Variants in PRKN observed in about 807,000 individuals in gnomAD.
The protein encoded by PRKN is parkin RBR E3 ubiquitin protein ligase, also known as E3 ubiquitin-protein ligase parkin.
PRKN carries 56 observed loss-of-function variants against 59.5 expected under a neutral mutation model. That is an observed-to-expected ratio of 0.94 (90% confidence interval 0.76 to 1.18). The LOEUF (loss-of-function observed/expected upper bound fraction) is 1.18. Ranked by LOEUF, PRKN falls within the 50% of genes most tolerant of loss-of-function variation. PRKN has a pLI of 0.00. For missense variants in PRKN, 657 were observed against 596.4 expected, an observed-to-expected ratio of 1.10 and a Z score of -1.06; for synonymous variants, 250 against 222.1, an observed-to-expected ratio of 1.13 and a Z score of -1.12.
intron 1 of PRKN, among the ~76,000 whole-genome samples, chr6:162,556,362 T>TGTGTGTGC (rs1554243403): frequency 2.0e-4 from 17 of 86,330 alleles, no homozygotes; most frequent in Middle Eastern, 5.6e-3. Flanking sequence ...TGTGTGTGTG[T>TGTGTGTGC]GTGTGTGTGT....
chr6:161,411,331 G>T (rs562271943), intron 9 of PRKN, among the ~76,000 whole-genome samples: 1 of 152,254 alleles, frequency 6.6e-6, no homozygotes, highest in South Asian at 2.1e-4. Flanking sequence ...TTATAAAGGG[G>T]AGGTCCCCTG....
At chr6:162,050,534 T>C (rs1777590257) in intron 5 of PRKN, among the ~76,000 whole-genome samples, 1 of 152,088 alleles carries the variant, frequency 6.6e-6, no homozygotes. Context: ...TGAATGGTTA[T>C]ACTAGACAAT....
rs115842600 is a variant in PRKN at position 161,356,630 on chromosome 6, C to A, written c.1285+3458G>T. On this transcript the variant is annotated intron_variant, in intron 11 of 11. Coordinates refer to ENST00000366898, the MANE Select transcript of PRKN (RefSeq NM_004562.3). The surrounding 1 kb of genome is among the most constrained non-coding windows in gnomAD (Gnocchi z 7.8). Reference sequence around the variant, plus strand: ...AGAGCACGGGGAAGGCCGTGGTGACCGGGGATTGAATGCAGGGTGAGGAAG... The same window carrying A: ...AGAGCACGGGGAAGGCCGTGGTGACAGGGGATTGAATGCAGGGTGAGGAAG... 6.6e-6 allele frequency among the ~76,000 whole-genome samples: 1 copy of A among 151,986 alleles called. No homozygotes were observed. The highest frequency in any genetic ancestry group is 6.6e-5 in the Admixed American group (1 of 15,260).
At chr6:161,961,256 T>A (rs572420197) in intron 6 of PRKN, among the ~76,000 whole-genome samples, 8 of 152,246 alleles carry the variant, frequency 5.3e-5, no homozygotes, top group African/African-American at 1.9e-4. Context: ...TAGCAACAGG[T>A]GTTCAAGTTT....
chr6:161,414,214 G>T lies in PRKN; in HGVS notation c.1084-27337C>A, dbSNP rs1379465143. 1.3e-5 allele frequency among the ~76,000 whole-genome samples: 2 copies of T among 152,294 alleles called. No homozygotes were observed. Among genetic ancestry groups the T allele is most frequent in the South Asian group, 2.1e-4 (1 of 4,822 alleles). On this transcript the variant is annotated intron_variant, in intron 9 of 11. Coordinates refer to ENST00000366898, the MANE Select transcript of PRKN (RefSeq NM_004562.3). This position sits in a 1 kb window ranked among gnomAD's most constrained non-coding sequence, Gnocchi z 5.3. ...CTCCATGCACAATTTTGCAGAAGAG[G>T]CTCTTTCCAGCATTTTCTCCCCAGA...
At chr6:162,692,190 AAT>A (rs67623983) in intron 1 of PRKN, among the ~76,000 whole-genome samples, 9,649 of 151,594 alleles carry the variant, frequency 0.064, 458 homozygotes, top group East Asian at 0.29. Flanking sequence ...AAAAAAAAAA[AAT>A]CATGGTTGTC....
At chr6:161,439,763 G>A (rs1583069934) in intron 9 of PRKN, among the ~76,000 whole-genome samples, 2 of 152,060 alleles carry the variant, frequency 1.3e-5, no homozygotes, top group African/African-American at 2.4e-5. Flanking sequence ...TAAGAAAACA[G>A]ATGATAAGAG....
At chr6:162,722,774 A>G (rs1351387558) in intron 1 of PRKN, among the ~76,000 whole-genome samples, 1 of 152,310 alleles carries the variant, frequency 6.6e-6, no homozygotes, top group East Asian at 1.9e-4. Context: ...TTTTCAGGCA[A>G]TGAAACTATG....
chr6:162,412,098 A>G (rs1436729817), intron 2 of PRKN, among the ~76,000 whole-genome samples: 1 of 152,166 alleles, frequency 6.6e-6, no homozygotes, highest in Non-Finnish European at 1.5e-5. Context: ...AATTTACTTA[A>G]AAACAGAATA....
intron 1 of PRKN, among the ~76,000 whole-genome samples, chr6:162,690,077 A>ATTAGAATGTATTCCATTAT (rs1777718382): frequency 6.8e-6 from 1 of 146,326 alleles, no homozygotes; most frequent in Non-Finnish European, 1.5e-5. Context: ...ATATATTGTT[A>ATTAGAATGTATTCCATTAT]TTAGAATGTA....
intron 1 of PRKN, among the ~76,000 whole-genome samples, chr6:162,589,642 T>C (rs937108446): frequency 1.3e-5 from 2 of 152,210 alleles, no homozygotes; most frequent in Non-Finnish European, 2.9e-5. Flanking sequence ...TAATAATGAA[T>C]GTGGCTCTAA....
intron 1 of PRKN, among the ~76,000 whole-genome samples, chr6:162,539,536 T>G (rs922212747): frequency 2.0e-5 from 3 of 152,200 alleles, no homozygotes; most frequent in Non-Finnish European, 4.4e-5. Context: ...ATTTACATCA[T>G]CGACTATCTG....
Position 161,836,403 on chromosome 6 carries a change from T to C in PRKN, c.735-50495A>G, listed in dbSNP as rs1389525189. ...GGGAAATTGCCGTACATGATTCAGT[T>C]AAAATTCCAGCCTGAGTGGCCTCGA... is the stretch of plus-strand genomic sequence containing the variant. On this transcript the variant is annotated intron_variant, in intron 6 of 11. Transcript: ENST00000366898. Among the ~76,000 whole-genome samples the C allele has an allele frequency of 2.0e-5, 3 of 152,164 alleles. No individual in the cohort carries two copies. The East Asian group carries it at 5.8e-4, about 29-fold the overall frequency.
chr6:162,681,376 T>C (rs1242854878), intron 1 of PRKN, among the ~76,000 whole-genome samples: 1 of 152,114 alleles, frequency 6.6e-6, no homozygotes, highest in Non-Finnish European at 1.5e-5. Context: ...GGCAGGAGAA[T>C]AGAGTCTGGA....
At chr6:162,571,316 C>T (rs79555231) in intron 1 of PRKN, 32,333 of 131,474 alleles carry the variant, frequency 0.25, 4,386 homozygotes, top group African/African-American at 0.4. Context: ...CAGAGAAAAA[C>T]TCATTTCAAA....
Position 161,548,680 on chromosome 6 carries a change from T to A in PRKN, c.1083+174A>T. ...GTTTTCACCAAAATAAATACATAAA[T>A]TTTCAAATCTGGAGTCCTATAAAGG... On this transcript the variant is annotated intron_variant, in intron 9 of 11. Transcript: ENST00000366898. The surrounding 1 kb of genome is among the most constrained non-coding windows in gnomAD (Gnocchi z 4.2). 1 of 646,098 alleles carries A rather than the reference T, an allele frequency of 1.5e-6. No individual in the cohort carries two copies. The highest frequency in any genetic ancestry group is 2.7e-6 in the Non-Finnish European group (1 of 371,124). 40.0% of individuals were successfully genotyped at this position (646,098 alleles called of 1,614,324 possible). A position where few individuals can be genotyped will look rare whatever the true frequency, so the allele number is the denominator to read the frequency against.
chr6:161,749,592 T>TC (rs1364555141), intron 7 of PRKN, among the ~76,000 whole-genome samples: 1 of 152,110 alleles, frequency 6.6e-6, no homozygotes, highest in Non-Finnish European at 1.5e-5. Context: ...CACCTGTACC[T>TC]CTTATCATTA....
intron 2 of PRKN, among the ~76,000 whole-genome samples, chr6:162,417,733 G>A (rs1268180661): frequency 6.6e-6 from 1 of 152,172 alleles, no homozygotes; most frequent in African/African-American, 2.4e-5. Context: ...TATGGCTTTC[G>A]GTTTCTAGCT....
chr6:161,626,116 C>T lies in PRKN; in HGVS notation c.872-56700G>A, dbSNP rs763903885. Among the ~76,000 whole-genome samples, 22 of 152,282 alleles carry T rather than the reference C, an allele frequency of 1.4e-4. 1 individual carries two copies. The highest frequency in any genetic ancestry group is 3.9e-4 in the East Asian group (2 of 5,182). ...GTTAAGATCCTATATGTTCCTGGTG[C>T]GGTTCACTGTGTATTCCTCGCCGTG... On this transcript the variant is annotated intron_variant, in intron 7 of 11. Transcript: ENST00000366898.
Sources: gnomAD v4.1 joint callset for allele counts (sites outside exome capture counted in the v4.1 genomes callset) on GRCh38, gnomAD v4.1.1 for gene constraint, Gnocchi (gnomAD v3.1) non-coding constraint, MANE v1.5 for transcripts, NCBI Gene and HGNC (gene_info 2026-07-23, HGNC 2026-07-21) for gene names.